TRHDE: variants seen among roughly 807,000 people sequenced by gnomAD.
The protein encoded by TRHDE is thyrotropin releasing hormone degrading enzyme.
Under a neutral mutation model 125.7 loss-of-function variants are expected in TRHDE, and 72 were observed. The ratio of observed to expected loss-of-function variants is 0.57; its 90% CI spans 0.47 to 0.70. TRHDE has a LOEUF of 0.70. TRHDE is among the 30% of genes least tolerant of loss of function. The pLI is 0.00. For synonymous variants in TRHDE, 509 were observed against 509.1 expected (o/e 1.00, Z 0.00); for missense variants, 1,110 against 1,327.1 (o/e 0.84, Z 2.54).
intron 1 of TRHDE, among the ~76,000 whole-genome samples, chr12:72,088,957 A>G (rs1408422154): frequency 6.6e-6 from 1 of 152,128 alleles, no homozygotes; most frequent in Non-Finnish European, 1.5e-5. Context: ...CCACCTGCCT[A>G]TTAGACCTCT....
intron 2 of TRHDE, among the ~76,000 whole-genome samples, chr12:72,316,236 G>A (rs1430690611): frequency 6.6e-6 from 1 of 152,110 alleles, no homozygotes; most frequent in African/African-American, 2.4e-5. Context: ...AGTACTTGAA[G>A]GTTTTAATTC....
chr12:72,601,402 G>A (rs571996671), intron 12 of TRHDE, among the ~76,000 whole-genome samples: 1 of 152,248 alleles, frequency 6.6e-6, no homozygotes, highest in South Asian at 2.1e-4. Context: ...GATACTGTGA[G>A]CTTTGTTAAA....
chr12:72,138,579 T>G (rs545878764), intron 2 of TRHDE, among the ~76,000 whole-genome samples: 1 of 152,302 alleles, frequency 6.6e-6, no homozygotes, highest in African/African-American at 2.4e-5. Context: ...GAGAGCCAGG[T>G]GGATCTCATG....
chr12:72,395,308 C>G (rs903142982), intron 3 of TRHDE, among the ~76,000 whole-genome samples: 3 of 152,156 alleles, frequency 2.0e-5, no homozygotes, highest in Admixed American at 2.0e-4. Flanking sequence ...CCTCCAACAC[C>G]CTTGAGAGGC....
In TRHDE at chr12:72,413,924, T is replaced by A. The variant is rs552604890; in HGVS notation, c.1315+35803T>A. 1.4e-4 allele frequency among the ~76,000 whole-genome samples: 22 copies of A among 152,218 alleles called. No individual in the cohort carries two copies. In the East Asian group the frequency reaches 3.9e-3, roughly 27 times the overall value. Reference sequence around the variant, plus strand: ...GTTTATAAAATTGTGTGATATTAGATCACTAAGCAATTGCAACAATAAAAT... The same window carrying A: ...GTTTATAAAATTGTGTGATATTAGAACACTAAGCAATTGCAACAATAAAAT... On this transcript the variant is annotated intron_variant, in intron 3 of 18. Coordinates refer to ENST00000261180, the MANE Select transcript of TRHDE (RefSeq NM_013381.3).
intron 1 of TRHDE, among the ~76,000 whole-genome samples, chr12:72,098,552 C>G (rs1026668120): frequency 2.0e-5 from 3 of 152,018 alleles, no homozygotes; most frequent in African/African-American, 4.8e-5. Flanking sequence ...TAAATTTGGG[C>G]CAGATTTGTT....
chr12:72,186,418 T>A (rs1035696999), intron 2 of TRHDE: 1 of 156,058 alleles, frequency 6.4e-6, no homozygotes, highest in African/African-American at 2.4e-5. Context: ...CGCAAAGGTC[T>A]GCAGCTTCAC....
At chr12:72,190,055 A>G (rs1424841694) in intron 2 of TRHDE, among the ~76,000 whole-genome samples, 1 of 152,210 alleles carries the variant, frequency 6.6e-6, no homozygotes, top group Admixed American at 6.5e-5. Flanking sequence ...GGGCCCACTG[A>G]AAGTCTGACC....
chr12:72,293,273 G>A, intron 2 of TRHDE, among the ~76,000 whole-genome samples: 1 of 151,920 alleles, frequency 6.6e-6, no homozygotes, highest in East Asian at 1.9e-4. Context: ...CATAGTTTGT[G>A]AATATTTTTT....
intron 3 of TRHDE, among the ~76,000 whole-genome samples, chr12:72,456,172 C>G (rs397850409): frequency 2.5e-4 from 27 of 108,528 alleles, no homozygotes; most frequent in Admixed American, 1.0e-3. Flanking sequence ...CACACACACA[C>G]ACACAGAGAC....
intron 2 of TRHDE, among the ~76,000 whole-genome samples, chr12:72,124,401 C>A (rs1875664536): frequency 6.6e-6 from 1 of 151,942 alleles, no homozygotes. Context: ...TGTAAGTCAT[C>A]CAATTTGTTA....
intron 3 of TRHDE, among the ~76,000 whole-genome samples, chr12:72,408,607 G>C (rs1463696493): frequency 6.6e-6 from 1 of 152,030 alleles, no homozygotes; most frequent in Non-Finnish European, 1.5e-5. Context: ...TTGATATTAT[G>C]ATTATAGCCA....
chr12:72,294,068 C>T (rs988035990), intron 2 of TRHDE, among the ~76,000 whole-genome samples: 1 of 152,166 alleles, frequency 6.6e-6, no homozygotes, highest in African/African-American at 2.4e-5. Flanking sequence ...TTGGAGATGC[C>T]AGGAACCACA....
intron 2 of TRHDE, among the ~76,000 whole-genome samples, chr12:72,248,808 T>C (rs1592499336): frequency 6.6e-6 from 1 of 152,216 alleles, no homozygotes; most frequent in East Asian, 1.9e-4. Context: ...TTACAGTTAA[T>C]GCTTTTGCCT....
At chr12:72,184,444 GT>G (rs952753763) in intron 2 of TRHDE, among the ~76,000 whole-genome samples, 5 of 152,090 alleles carry the variant, frequency 3.3e-5, no homozygotes, top group African/African-American at 1.2e-4. Flanking sequence ...GGTTTCTGAT[GT>G]TTTTTAATGG....
intron 2 of TRHDE, among the ~76,000 whole-genome samples, chr12:72,323,842 G>A (rs190141910): frequency 1.2e-3 from 188 of 152,178 alleles, no homozygotes; most frequent in Middle Eastern, 3.4e-3. Context: ...GAAAGAGAGG[G>A]AGAGAGAGAA....
intron 6 of TRHDE, among the ~76,000 whole-genome samples, chr12:72,521,047 C>T (rs1048404163): frequency 1.3e-5 from 2 of 152,164 alleles, no homozygotes; most frequent in African/African-American, 4.8e-5. Flanking sequence ...TTCAGCTCAA[C>T]CTTCCTGAAT....
chr12:72,276,054 A>G (rs111687958), intron 1 of TRHDE, among the ~76,000 whole-genome samples: 1 of 152,186 alleles, frequency 6.6e-6, no homozygotes, highest in African/African-American at 2.4e-5. Flanking sequence ...AAAGAAATAA[A>G]TCTAATAAAC....
chr12:72,430,607 A>G (rs114493715), intron 3 of TRHDE, among the ~76,000 whole-genome samples: 4,571 of 151,782 alleles, frequency 0.03, 232 homozygotes, highest in African/African-American at 0.1. Context: ...TGAACTCTGC[A>G]TTCTGTCCCC....
Sources: allele counts gnomAD v4.1 joint callset (sites outside exome capture counted in the v4.1 genomes callset), GRCh38; gene constraint gnomAD v4.1.1; transcripts MANE v1.5; gene names NCBI Gene and HGNC (gene_info 2026-07-23, HGNC 2026-07-21).